The following ATP2B2 variants were observed in gnomAD, a reference collection of about 807,000 sequenced individuals.
ATP2B2 encodes the protein plasma membrane calcium-transporting ATPase 2.
In ATP2B2, 15 loss-of-function variants were observed where a neutral mutation model predicts 120.0. The observed-to-expected ratio is 0.12, with a 90% CI of 0.08 to 0.19. The LOEUF is 0.19. ATP2B2 is among the 10% of genes least tolerant of loss of function. The probability of loss-of-function intolerance (pLI) is 1.00; values close to 1 mark genes in which losing one functional copy is unlikely to be tolerated. For missense variants in ATP2B2, 1,045 were observed against 1,719.8 expected (o/e 0.61, Z 6.94); for synonymous variants, 694 against 700.3 (o/e 0.99, Z 0.14).
intron 2 of ATP2B2, among the ~76,000 whole-genome samples, chr3:10,429,837 A>G (rs1469945918): frequency 6.6e-6 from 1 of 152,248 alleles, no homozygotes. Context: ...TACTCCCGTG[A>G]ACACCTGAAT....
rs868801673 is a variant in ATP2B2 at position 10,683,746 on chromosome 3, A to G, written c.-460+24169T>C. Among the ~76,000 whole-genome samples the G allele has an allele frequency of 6.1e-3, 249 of 40,816 alleles. 2 individuals are homozygous for G. The highest frequency in any genetic ancestry group is 0.023 in the African/African-American group (238 of 10,328). 26.8% of individuals were successfully genotyped at this position (40,816 alleles called of 152,430 possible). A position where few individuals can be genotyped will look rare whatever the true frequency, so the allele number is the denominator to read the frequency against. On this transcript the variant is annotated intron_variant, in intron 1 of 21. Transcript: ENST00000646379. Reference sequence around the variant, plus strand: ...TGTGTGTGTATATATATGTGTATATATATGTGTGTGTGTGTATATATATAT... The same window carrying G: ...TGTGTGTGTATATATATGTGTATATGTATGTGTGTGTGTGTATATATATAT...
chr3:10,350,231 T>A, intron 15 of ATP2B2, 32 bp from the exon 16 acceptor site: 1 of 487,116 alleles, frequency 2.1e-6, no homozygotes, highest in Non-Finnish European at 3.3e-6. Context: ...GGCGGGTCGG[T>A]GGGGTCGGGG....
intron 1 of ATP2B2, among the ~76,000 whole-genome samples, chr3:10,471,979 G>T (rs2065026262): frequency 6.6e-6 from 1 of 151,280 alleles, no homozygotes; most frequent in South Asian, 2.1e-4. Flanking sequence ...TACTCGGGAG[G>T]CTGAGGCAGG....
At chr3:10,596,546 A>G (rs1264133976) in intron 2 of ATP2B2, among the ~76,000 whole-genome samples, 2 of 152,210 alleles carry the variant, frequency 1.3e-5, no homozygotes, top group Admixed American at 6.5e-5. Context: ...GCCCCATATA[A>G]CAGATGCAGA....
At position 10,449,601 on chromosome 3, in the gene ATP2B2, C is replaced by T. The variant is rs946872598; in HGVS notation, c.-58G>A. 9 of 1,600,358 alleles carry T rather than the reference C, an allele frequency of 5.6e-6. No individual in the cohort carries two copies. The Admixed American group carries it at 1.3e-4, about 24-fold the overall frequency. On this transcript the variant is annotated 5_prime_UTR_variant, in exon 2 of 23. Coordinates refer to ENST00000360273, the MANE Select transcript of ATP2B2 (RefSeq NM_001001331.4). ...AGGGTCAGCGCTGGACAAGAGGCTG[C>T]CGGGTGATGGCTGCTTGTGGCTGTC...
At chr3:10,384,439 AG>A (rs1427740160) in intron 8 of ATP2B2, among the ~76,000 whole-genome samples, 1 of 152,182 alleles carries the variant, frequency 6.6e-6, no homozygotes, top group African/African-American at 2.4e-5. Context: ...ATTTGGGGAT[AG>A]GGGTGGTATC....
chr3:10,650,908 G>A (rs1397711046), intron 1 of ATP2B2, among the ~76,000 whole-genome samples: 1 of 152,248 alleles, frequency 6.6e-6, no homozygotes, highest in Non-Finnish European at 1.5e-5. Flanking sequence ...TGACCTGGAT[G>A]TGAGACATAG....
chr3:10,337,752 A>G (rs2060161601), intron 22 of ATP2B2, among the ~76,000 whole-genome samples: 1 of 151,848 alleles, frequency 6.6e-6, no homozygotes, highest in African/African-American at 2.4e-5. Flanking sequence ...GGACCCCCTG[A>G]CCACCACGCC....
chr3:10,335,736 C>A (rs2060097985), intron 22 of ATP2B2, among the ~76,000 whole-genome samples: 1 of 152,198 alleles, frequency 6.6e-6, no homozygotes, highest in African/African-American at 2.4e-5. Context: ...GTGGTCCAGG[C>A]TTTTCCTGAC....
chr3:10,422,428 A>C (rs909627639), intron 2 of ATP2B2, among the ~76,000 whole-genome samples: 1 of 152,152 alleles, frequency 6.6e-6, no homozygotes, highest in Non-Finnish European at 1.5e-5. Context: ...AGAGTTTATG[A>C]TCACATCACG....
chr3:10,340,761 AG>A lies in ATP2B2; in HGVS notation c.2918-58del. On this transcript the variant is annotated intron_variant, in intron 19 of 22. Transcript: ENST00000360273. The surrounding 1 kb of genome is among the most constrained non-coding windows in gnomAD (Gnocchi z 5.0). ...GGCAGTGGTGGGGGAATCAGAGGGG[AG>A]ATGCCTGGCCTTTCGTGGGGGCCTC... is the stretch of plus-strand genomic sequence containing the variant. 1 of 1,581,062 alleles carries A rather than the reference AG, an allele frequency of 6.3e-7. No individual in the cohort carries two copies. The highest frequency in any genetic ancestry group is 1.7e-5 in the Admixed American group (1 of 59,608).
At chr3:10,694,185 G>C (rs1401822535) in intron 1 of ATP2B2, among the ~76,000 whole-genome samples, 3 of 152,210 alleles carry the variant, frequency 2.0e-5, no homozygotes, top group Admixed American at 1.3e-4. Flanking sequence ...GTATGTGTCT[G>C]TGTGTGTGCA....
intron 1 of ATP2B2, among the ~76,000 whole-genome samples, chr3:10,462,971 C>T (rs372305253): frequency 6.6e-6 from 1 of 152,178 alleles, no homozygotes; most frequent in Non-Finnish European, 1.5e-5. Context: ...ATTTTCTGAA[C>T]AACTAATGCA....
At chr3:10,645,306 C>T (rs1234496339) in intron 1 of ATP2B2, among the ~76,000 whole-genome samples, 1 of 152,154 alleles carries the variant, frequency 6.6e-6, no homozygotes, top group African/African-American at 2.4e-5. Flanking sequence ...CTTTGAAGGA[C>T]TTCACTGGGG....
At chr3:10,351,075 AC>A (rs1259723834) in intron 14 of ATP2B2, among the ~76,000 whole-genome samples, 1 of 152,238 alleles carries the variant, frequency 6.6e-6, no homozygotes, top group Non-Finnish European at 1.5e-5. Flanking sequence ...ACAGAATGTG[AC>A]ACGGATTTAG....
At position 10,326,291 on chromosome 3, in the gene ATP2B2, G is replaced by C. The variant is rs3194712; in HGVS notation, c.*2523C>G. 5,815 of 157,486 alleles carry C rather than the reference G, an allele frequency of 0.037. 356 individuals are homozygous for C. The highest frequency in any genetic ancestry group is 0.13 in the African/African-American group (5,343 of 41,716). 9.8% of individuals were successfully genotyped at this position (157,486 alleles called of 1,614,324 possible). On this transcript the variant is annotated 3_prime_UTR_variant, in exon 23 of 23. Transcript: ENST00000360273. ...TGTGTGTGTATGTGTGCAAGTGTGAGAGTGAGGGGGTGCATGTGTGCAAGC... is the reference window on the plus strand; with the variant it reads ...TGTGTGTGTATGTGTGCAAGTGTGACAGTGAGGGGGTGCATGTGTGCAAGC...
intron 3 of ATP2B2, among the ~76,000 whole-genome samples, chr3:10,404,540 A>G (rs1046794972): frequency 6.6e-6 from 1 of 152,250 alleles, no homozygotes; most frequent in Non-Finnish European, 1.5e-5. Context: ...CACTGCAGTG[A>G]GCACACAGTA....
chr3:10,502,135 C>T (rs2066419578), intron 1 of ATP2B2, among the ~76,000 whole-genome samples: 2 of 152,168 alleles, frequency 1.3e-5, no homozygotes, highest in South Asian at 2.1e-4. Flanking sequence ...CTTTTCTGAC[C>T]TCCGATCTGC....
At chr3:10,486,447 C>G (rs1255986799) in intron 1 of ATP2B2, among the ~76,000 whole-genome samples, 1 of 152,036 alleles carries the variant, frequency 6.6e-6, no homozygotes, top group Non-Finnish European at 1.5e-5. Context: ...TCAGGCCCCT[C>G]TCTACTTCTT....
Sources: gnomAD v4.1 joint callset for allele counts (sites outside exome capture counted in the v4.1 genomes callset) on GRCh38, gnomAD v4.1.1 for gene constraint, Gnocchi (gnomAD v3.1) non-coding constraint, MANE v1.5 for transcripts, NCBI Gene and HGNC (gene_info 2026-07-23, HGNC 2026-07-21) for gene names.